Variants in EYS observed in about 807,000 individuals in gnomAD.
EYS encodes the protein EGF-like photoreceptor maintenance factor, also known as protein eyes shut homolog.
EYS carries 250 observed loss-of-function variants against 282.1 expected under a neutral mutation model. The ratio of observed to expected loss-of-function variants is 0.89; its 90% CI spans 0.80 to 0.98. The LOEUF is 0.98. Among genes scored for constraint, EYS ranks in the 50% least tolerant of loss-of-function variants. EYS has a pLI of 0.00. For missense variants in EYS, 4,016 were observed against 3,709.0 expected (o/e 1.08, Z -2.15); for synonymous variants, 1,355 against 1,282.9 (o/e 1.06, Z -1.20).
rs146435775 is a variant in EYS at position 63,751,126 on chromosome 6, T to C, written c.8071+11335A>G. Among the ~76,000 whole-genome samples the C allele has an allele frequency of 8.5e-4, 130 of 152,314 alleles. No homozygotes were observed. The East Asian group carries it at 0.014, about 16-fold the overall frequency. On this transcript the variant is annotated intron_variant, in intron 41 of 42. Coordinates refer to ENST00000503581, the MANE Select transcript of EYS (RefSeq NM_001142800.2). ...GTGGTGTACCTCAAGATTTCTAAAA[T>C]AGATTAATTCCCAGAGCGTTGTTCT...
intron 1 of EYS, among the ~76,000 whole-genome samples, chr6:65,649,133 G>C (rs1407893349): frequency 3.0e-4 from 26 of 86,552 alleles, no homozygotes; most frequent in Non-Finnish European, 5.3e-4. Context: ...GCGAGACTCT[G>C]TCTCAAAAAA....
intron 26 of EYS, among the ~76,000 whole-genome samples, chr6:64,452,041 T>C (rs932961689): frequency 3.9e-5 from 6 of 152,170 alleles, no homozygotes; most frequent in Non-Finnish European, 5.9e-5. Flanking sequence ...ATAAAGGGCA[T>C]TCAATTAGGA....
At chr6:65,573,715 A>T (rs1461490179) in intron 2 of EYS, among the ~76,000 whole-genome samples, 1 of 152,206 alleles carries the variant, frequency 6.6e-6, no homozygotes, top group East Asian at 1.9e-4. Flanking sequence ...CATAGGCTCC[A>T]GGGCCAAATT....
chr6:64,868,543 A>G (rs17737163), intron 19 of EYS, among the ~76,000 whole-genome samples: 5,826 of 151,524 alleles, frequency 0.038, 131 homozygotes, highest in Middle Eastern at 0.088. Context: ...ACTATTACGC[A>G]AAACATTTAG....
At chr6:63,742,774 T>C (rs987346958) in intron 41 of EYS, among the ~76,000 whole-genome samples, 13 of 152,336 alleles carry the variant, frequency 8.5e-5, no homozygotes, top group African/African-American at 3.1e-4. Flanking sequence ...ATAATGCCCT[T>C]GAGATCCTGA....
chr6:65,582,632 C>G (rs1445054409), intron 2 of EYS, among the ~76,000 whole-genome samples: 1 of 152,088 alleles, frequency 6.6e-6, no homozygotes, highest in Admixed American at 6.6e-5. Flanking sequence ...TTACTTTCAA[C>G]AAACCCATAC....
intron 16 of EYS, among the ~76,000 whole-genome samples, chr6:64,910,371 G>A (rs1435955501): frequency 6.6e-6 from 1 of 152,048 alleles, no homozygotes; most frequent in African/African-American, 2.4e-5. Context: ...CAATGTTACA[G>A]CCTTTAATTT....
intron 12 of EYS, among the ~76,000 whole-genome samples, chr6:65,132,015 T>C (rs977347161): frequency 4.0e-5 from 6 of 151,702 alleles, no homozygotes; most frequent in African/African-American, 1.5e-4. Flanking sequence ...AAGACTGAAG[T>C]AGGAAGGAGT....
intron 16 of EYS, among the ~76,000 whole-genome samples, chr6:64,905,882 G>T (rs1021007023): frequency 1.3e-5 from 2 of 151,888 alleles, no homozygotes; most frequent in African/African-American, 4.8e-5. Flanking sequence ...AAAAAAACTA[G>T]TGTATACCAT....
chr6:64,791,247 A>T (rs746683808), intron 22 of EYS, among the ~76,000 whole-genome samples: 13 of 151,884 alleles, frequency 8.6e-5, no homozygotes, highest in Non-Finnish European at 1.5e-4. Context: ...AGCAAGACGA[A>T]AAAATACATA....
intron 26 of EYS, among the ~76,000 whole-genome samples, chr6:64,510,354 A>C (rs1777345950): frequency 6.6e-6 from 1 of 152,098 alleles, no homozygotes; most frequent in African/African-American, 2.4e-5. Context: ...CTTTTTTCTA[A>C]AAACTTTTAA....
At chr6:64,455,232 A>C (rs547546455) in intron 26 of EYS, among the ~76,000 whole-genome samples, 6 of 152,190 alleles carry the variant, frequency 3.9e-5, no homozygotes, top group African/African-American at 1.4e-4. Context: ...ATTTTTAATA[A>C]TACTATATCA....
At chr6:64,352,292 A>G (rs115597104) in intron 29 of EYS, among the ~76,000 whole-genome samples, 4,730 of 151,636 alleles carry the variant, frequency 0.031, 235 homozygotes, top group African/African-American at 0.11. Flanking sequence ...CTTTATCTGT[A>G]AAATGAGAAT....
At chr6:63,818,676 C>A (rs1160189379) in intron 36 of EYS, among the ~76,000 whole-genome samples, 1 of 152,180 alleles carries the variant, frequency 6.6e-6, no homozygotes, top group Non-Finnish European at 1.5e-5. Context: ...ACATTCCAGG[C>A]CACCACACTC....
chr6:64,313,816 C>T (rs1769825061), intron 29 of EYS, among the ~76,000 whole-genome samples: 1 of 152,182 alleles, frequency 6.6e-6, no homozygotes, highest in South Asian at 2.1e-4. Flanking sequence ...CAAGCAAATG[C>T]TGAGAGATTT....
chr6:63,992,275 GTATTGT>G (rs1767638901), intron 34 of EYS, among the ~76,000 whole-genome samples: 1 of 151,490 alleles, frequency 6.6e-6, no homozygotes. Flanking sequence ...TTTTATTGTT[GTATTGT>G]TATTTTTATG....
At chr6:64,578,130 C>A (rs757511044) in intron 26 of EYS, among the ~76,000 whole-genome samples, 1 of 152,084 alleles carries the variant, frequency 6.6e-6, no homozygotes, top group African/African-American at 2.4e-5. Context: ...ACCTCACACA[C>A]ACTGATCTGT....
chr6:64,583,694 C>G (rs563691979), intron 26 of EYS, among the ~76,000 whole-genome samples: 1 of 151,972 alleles, frequency 6.6e-6, no homozygotes, highest in East Asian at 1.9e-4. Flanking sequence ...ACTCAGGAGG[C>G]TGAGGCAGGA....
At chr6:64,737,158 C>A (rs1291358955) in intron 22 of EYS, among the ~76,000 whole-genome samples, 1 of 152,110 alleles carries the variant, frequency 6.6e-6, no homozygotes, top group Non-Finnish European at 1.5e-5. Context: ...TGATAGAAAT[C>A]TTATAATAAT....
Sources: allele counts gnomAD v4.1 joint callset (sites outside exome capture counted in the v4.1 genomes callset), GRCh38; gene constraint gnomAD v4.1.1; transcripts MANE v1.5; gene names NCBI Gene and HGNC (gene_info 2026-07-23, HGNC 2026-07-21).